The following PTPRG variants were observed in gnomAD, a reference collection of about 807,000 sequenced individuals.
PTPRG encodes protein tyrosine phosphatase receptor type G, also known as receptor-type tyrosine-protein phosphatase gamma.
In PTPRG, 102 loss-of-function variants were observed where a neutral mutation model predicts 165.3. That is an observed-to-expected ratio of 0.62 (90% CI 0.53 to 0.73). PTPRG has a LOEUF of 0.73. Ranked by LOEUF, PTPRG falls within the 30% of genes least tolerant of loss-of-function variation. The probability of loss-of-function intolerance (pLI) is 0.00; values close to 1 mark genes in which losing one functional copy is unlikely to be tolerated. For missense variants in PTPRG, 1,866 were observed against 1,861.4 expected (o/e 1.00, Z -0.05); for synonymous variants, 675 against 669.5 (o/e 1.01, Z -0.13).
In PTPRG at chr3:62,239,579, A is replaced by ATCTT. The variant is rs1701112816; in HGVS notation, c.2376-4228_2376-4227insTCTT. On this transcript the variant is annotated intron_variant, in intron 14 of 29. Transcript: ENST00000474889. ...TAGACGGGGTTTCACCATCTTGGCC[A>ATCTT]GGCTGGTCTCAAACTTGTGATCCAC... is the stretch of plus-strand genomic sequence containing the variant. 2.6e-5 allele frequency among the ~76,000 whole-genome samples: 4 copies of ATCTT among 151,846 alleles called. No individual in the cohort carries two copies. In the South Asian group the frequency reaches 8.3e-4, roughly 32 times the overall value.
At chr3:62,211,633 A>T (rs555026313) in intron 12 of PTPRG, among the ~76,000 whole-genome samples, 10 of 152,322 alleles carry the variant, frequency 6.6e-5, no homozygotes, top group Non-Finnish European at 1.5e-4. Context: ...CTATAAATTT[A>T]TAAGTATGCA....
At chr3:62,047,544 G>C (rs531688853) in intron 4 of PTPRG, among the ~76,000 whole-genome samples, 1 of 152,176 alleles carries the variant, frequency 6.6e-6, no homozygotes, top group Non-Finnish European at 1.5e-5. Flanking sequence ...TTACAGGCGT[G>C]AGCCACCATG....
chr3:62,288,740 C>T (rs983885271), intron 28 of PTPRG, among the ~76,000 whole-genome samples: 2 of 151,082 alleles, frequency 1.3e-5, no homozygotes, highest in African/African-American at 2.4e-5. Context: ...TCTTTAAATG[C>T]TTATCTTTTA....
At chr3:61,694,008 C>CAAAAA (rs1163062978) in intron 1 of PTPRG, among the ~76,000 whole-genome samples, 1 of 65,484 alleles carries the variant, frequency 1.5e-5, no homozygotes, top group Non-Finnish European at 3.2e-5. Flanking sequence ...ACTCCATCTC[C>CAAAAA]AAAAAAAAAA....
At chr3:62,197,429 C>T (rs1699992185) in intron 10 of PTPRG, among the ~76,000 whole-genome samples, 1 of 152,204 alleles carries the variant, frequency 6.6e-6, no homozygotes, top group Non-Finnish European at 1.5e-5. Flanking sequence ...TCACATTGAT[C>T]TCATCCTTCC....
chr3:61,975,913 T>C lies in PTPRG; in HGVS notation c.191-13712T>C, dbSNP rs544034694. ...ATTTGCTCTTTTTTATATATTCTCC[T>C]TGTATACCCCTATTTATTTGATGCA... On this transcript the variant is annotated intron_variant, in intron 2 of 29. Coordinates refer to ENST00000474889, the MANE Select transcript of PTPRG (RefSeq NM_002841.4). Among the ~76,000 whole-genome samples the C allele has an allele frequency of 2.0e-5, 3 of 152,308 alleles. No homozygotes were observed. The East Asian group carries it at 5.8e-4, about 29-fold the overall frequency.
At chr3:62,277,503 G>A (rs574910109) in intron 25 of PTPRG, 48 bp from the exon 26 acceptor site, 2 of 1,587,008 alleles carry the variant, frequency 1.3e-6, no homozygotes, top group South Asian at 1.1e-5. Context: ...CACAAAGTTA[G>A]AATAAAACAC....
At chr3:61,910,218 C>T (rs1387840674) in intron 2 of PTPRG, among the ~76,000 whole-genome samples, 3 of 152,118 alleles carry the variant, frequency 2.0e-5, no homozygotes, top group African/African-American at 7.2e-5. Flanking sequence ...CCATTCTTAC[C>T]CATTCCCCAC....
chr3:62,236,976 T>G (rs962024023), intron 14 of PTPRG, among the ~76,000 whole-genome samples: 4 of 151,134 alleles, frequency 2.6e-5, no homozygotes, highest in African/African-American at 4.9e-5. Context: ...TAAGGAGGTT[T>G]GTTTGTTTGT....
chr3:62,053,516 C>T (rs1169030347), intron 4 of PTPRG, among the ~76,000 whole-genome samples: 1 of 152,158 alleles, frequency 6.6e-6, no homozygotes, highest in Non-Finnish European at 1.5e-5. Flanking sequence ...ATCCACCCAC[C>T]TCGGCCTCCC....
chr3:62,065,764 G>A (rs923068184), intron 4 of PTPRG, among the ~76,000 whole-genome samples: 6 of 152,138 alleles, frequency 3.9e-5, no homozygotes, highest in African/African-American at 4.8e-5. Flanking sequence ...TTTGTAAGGG[G>A]ATCTCCACCA....
At chr3:62,264,769 A>C (rs1701811119) in intron 17 of PTPRG, among the ~76,000 whole-genome samples, 1 of 152,172 alleles carries the variant, frequency 6.6e-6, no homozygotes, top group Admixed American at 6.5e-5. Context: ...ACAAGTCTTT[A>C]TGTAGACAGA....
intron 2 of PTPRG, among the ~76,000 whole-genome samples, chr3:61,985,718 TTTGA>T (rs1179539891): frequency 2.6e-5 from 4 of 152,196 alleles, no homozygotes; most frequent in Non-Finnish European, 5.9e-5. Context: ...AAATTTCTTC[TTTGA>T]TTGACCTTCT....
At chr3:62,256,026 G>A (rs1276409202) in intron 16 of PTPRG, among the ~76,000 whole-genome samples, 2 of 152,172 alleles carry the variant, frequency 1.3e-5, no homozygotes, top group Non-Finnish European at 2.9e-5. Context: ...GGCAGCAAGA[G>A]TTGTGTCGAG....
chr3:61,858,156 A>C (rs1012862573), intron 2 of PTPRG, among the ~76,000 whole-genome samples: 3 of 152,232 alleles, frequency 2.0e-5, no homozygotes, highest in African/African-American at 7.2e-5. Flanking sequence ...GAAGGAAAAC[A>C]AATGTTTATT....
At chr3:62,292,743 G>C (rs1702944854) in intron 29 of PTPRG, 187 bp downstream of exon 29, 1 of 633,806 alleles carries the variant, frequency 1.6e-6, no homozygotes, top group African/African-American at 1.8e-5. Flanking sequence ...CAGAGATGCT[G>C]CTAAGCAAAC....
intron 2 of PTPRG, among the ~76,000 whole-genome samples, chr3:61,834,041 TC>T (rs2036388479): frequency 6.6e-6 from 1 of 152,230 alleles, no homozygotes; most frequent in Non-Finnish European, 1.5e-5. Context: ...GCTTAGGATT[TC>T]AGAAGATGCT....
At chr3:61,609,144 A>G (rs1418159682) in intron 1 of PTPRG, among the ~76,000 whole-genome samples, 2 of 152,236 alleles carry the variant, frequency 1.3e-5, no homozygotes, top group East Asian at 1.9e-4. Flanking sequence ...TCATCAAGGT[A>G]TAGGAAGTTA....
intron 2 of PTPRG, among the ~76,000 whole-genome samples, chr3:61,929,121 C>T (rs945080985): frequency 2.0e-5 from 3 of 152,134 alleles, no homozygotes; most frequent in African/African-American, 7.2e-5. Context: ...ATACCCAGCC[C>T]TGAGGTTTTG....
Sources: gnomAD v4.1 joint callset for allele counts (sites outside exome capture counted in the v4.1 genomes callset) on GRCh38, gnomAD v4.1.1 for gene constraint, MANE v1.5 for transcripts, NCBI Gene and HGNC (gene_info 2026-07-23, HGNC 2026-07-21) for gene names.